Variants in ERBIN observed in about 807,000 individuals in gnomAD.
ERBIN encodes erbb2 interacting protein.
Under a neutral mutation model 158.4 loss-of-function variants are expected in ERBIN, and 60 were observed. The observed-to-expected ratio is 0.38, with a 90% CI of 0.31 to 0.47. ERBIN has a LOEUF of 0.47. Ranked by LOEUF, ERBIN falls within the 20% of genes least tolerant of loss-of-function variation. The probability of loss-of-function intolerance (pLI) is 0.99; values close to 1 mark genes in which losing one functional copy is unlikely to be tolerated. For synonymous variants in ERBIN, 594 were observed against 557.2 expected, an observed-to-expected ratio of 1.07 and a Z score of -0.93; for missense variants, 1,610 against 1,648.0, an observed-to-expected ratio of 0.98 and a Z score of 0.40.
At position 65,993,672 on chromosome 5, in the gene ERBIN, G is replaced by A. The variant is rs186038386; in HGVS notation, c.189+765G>A. Among the ~76,000 whole-genome samples the A allele has an allele frequency of 2.2e-3, 329 of 152,184 alleles. 2 individuals are homozygous for A. Among genetic ancestry groups the A allele is most frequent in the African/African-American group, 7.7e-3 (320 of 41,526 alleles). On this transcript the variant is annotated intron_variant, in intron 3 of 25. Transcript: ENST00000284037. ...CAGTGTTTTTGAAACCGTGCGTGGA[G>A]ACCCATTGGTAGCTCATAAAATCAA...
intron 23 of ERBIN, 158 bp from the exon 24 acceptor site, chr5:66,076,158 T>C: frequency 1.6e-6 from 1 of 606,334 alleles, no homozygotes; most frequent in South Asian, 2.1e-5. Flanking sequence ...CATAATATTC[T>C]ATGTTGTATT....
chr5:65,959,507 T>C (rs1484960968), intron 1 of ERBIN, among the ~76,000 whole-genome samples: 1 of 152,232 alleles, frequency 6.6e-6, no homozygotes, highest in East Asian at 1.9e-4. Flanking sequence ...ACTCATACAA[T>C]TTAATGTAAG....
intron 1 of ERBIN, among the ~76,000 whole-genome samples, chr5:65,966,395 G>A (rs1197541438): frequency 6.6e-6 from 1 of 151,974 alleles, no homozygotes; most frequent in African/African-American, 2.4e-5. Flanking sequence ...CATATAAAAA[G>A]GTAGGCCGGG....
intron 11 of ERBIN, 131 bp downstream of exon 11, chr5:66,025,683 A>G: frequency 1.1e-6 from 1 of 888,202 alleles, no homozygotes; most frequent in South Asian, 1.7e-5. Context: ...ATACAGGTTG[A>G]GTGTGTTTAT....
intron 3 of ERBIN, among the ~76,000 whole-genome samples, chr5:65,993,618 A>G (rs1448452487): frequency 6.6e-6 from 1 of 151,878 alleles, no homozygotes; most frequent in Admixed American, 6.6e-5. Flanking sequence ...TATATATTTA[A>G]TTGTTGGGAT....
intron 12 of ERBIN, among the ~76,000 whole-genome samples, 156 bp from the exon 13 acceptor site, chr5:66,026,142 GCTTT>G (rs1301434763): frequency 3.3e-5 from 5 of 151,636 alleles, no homozygotes; most frequent in South Asian, 2.1e-4. Context: ...GTTCTTAAAT[GCTTT>G]CTTATGTACA....
chr5:65,990,622 C>T (rs1382181420), intron 2 of ERBIN, among the ~76,000 whole-genome samples: 1 of 150,332 alleles, frequency 6.7e-6, no homozygotes, highest in African/African-American at 2.4e-5. Flanking sequence ...CGTGCCACTG[C>T]ACTCCAGCCT....
At chr5:66,024,820 G>T (rs946349420) in intron 10 of ERBIN, among the ~76,000 whole-genome samples, 1 of 152,062 alleles carries the variant, frequency 6.6e-6, no homozygotes, top group East Asian at 1.9e-4. Context: ...GATCATGAGA[G>T]ATCTATGATT....
chr5:65,937,134 T>C (rs1744187289), intron 1 of ERBIN, among the ~76,000 whole-genome samples: 1 of 152,234 alleles, frequency 6.6e-6, no homozygotes, highest in African/African-American at 2.4e-5. Context: ...TTTTGTGTTC[T>C]ACATGGTTTT....
chr5:65,998,759 T>C (rs1165435190), intron 4 of ERBIN, among the ~76,000 whole-genome samples: 1 of 151,920 alleles, frequency 6.6e-6, no homozygotes, highest in Non-Finnish European at 1.5e-5. Flanking sequence ...TAGCTGCACA[T>C]GGTGGCATGT....
At chr5:66,021,492 T>C in intron 8 of ERBIN, 107 bp downstream of exon 8, 1 of 835,220 alleles carries the variant, frequency 1.2e-6, no homozygotes, top group Non-Finnish European at 1.7e-6. Context: ...TTTACTTTTT[T>C]TTCTTAGTTA....
intron 4 of ERBIN, among the ~76,000 whole-genome samples, chr5:65,997,358 G>A (rs565497903): frequency 6.6e-6 from 1 of 152,240 alleles, no homozygotes; most frequent in African/African-American, 2.4e-5. Context: ...TCCATTGAGA[G>A]ATTTTTTTCC....
chr5:66,004,392 G>A (rs1476173395), intron 4 of ERBIN, among the ~76,000 whole-genome samples: 8 of 151,898 alleles, frequency 5.3e-5, no homozygotes, highest in Non-Finnish European at 1.0e-4. Context: ...GTGTGTGTGC[G>A]CGCGCGTGCG....
intron 21 of ERBIN, among the ~76,000 whole-genome samples, chr5:66,068,599 G>A (rs971654125): frequency 1.3e-5 from 2 of 152,136 alleles, no homozygotes; most frequent in African/African-American, 4.8e-5. Context: ...TGTGTTAGGA[G>A]TAAAGGAAAT....
intron 22 of ERBIN, 87 bp from the exon 23 acceptor site, chr5:66,074,932 CTAGTG>C: frequency 9.0e-7 from 1 of 1,112,586 alleles, no homozygotes; most frequent in Non-Finnish European, 1.3e-6. Context: ...TGTGAAAACT[CTAGTG>C]CTTTTGTAAT....
At chr5:65,933,645 C>T (rs1240451443) in intron 1 of ERBIN, among the ~76,000 whole-genome samples, 1 of 152,132 alleles carries the variant, frequency 6.6e-6, no homozygotes, top group Admixed American at 6.6e-5. Flanking sequence ...CCACTTTCTT[C>T]TTGTTTTGGG....
chr5:65,946,272 A>G (rs251318), intron 1 of ERBIN, among the ~76,000 whole-genome samples: 123,906 of 151,980 alleles, frequency 0.82, 51,004 homozygotes, highest in Non-Finnish European at 0.86. Flanking sequence ...GCTAAGATGG[A>G]GGTATTGCTT....
At position 66,048,791 on chromosome 5, in the gene ERBIN, TAAAGG is replaced by T; in HGVS notation, c.1903+15_1903+19del. ...AGTAATAACAAAAAAGGTTAGATGT[TAAAGG>T]AAAGTGCTAAGAATAGAAATTGCCT... On this transcript the variant is annotated intron_variant, in intron 19 of 25. Coordinates refer to ENST00000284037, the MANE Select transcript of ERBIN (RefSeq NM_001253697.2). The T allele has an allele frequency of 6.7e-7, 1 of 1,482,104 alleles. No individual in the cohort carries two copies. The highest frequency in any genetic ancestry group is 9.2e-7 in the Non-Finnish European group (1 of 1,085,632). 91.8% of individuals were successfully genotyped at this position (1,482,104 alleles called of 1,614,324 possible). A position where few individuals can be genotyped will look rare whatever the true frequency, so the allele number is the denominator to read the frequency against.
intron 9 of ERBIN, among the ~76,000 whole-genome samples, chr5:66,023,950 T>C (rs1755970016): frequency 6.6e-6 from 1 of 152,150 alleles, no homozygotes; most frequent in South Asian, 2.1e-4. Context: ...GTGCTGGGAT[T>C]ACAGGCGTGA....
Sources: allele counts gnomAD v4.1 joint callset (sites outside exome capture counted in the v4.1 genomes callset), GRCh38; gene constraint gnomAD v4.1.1; transcripts MANE v1.5; gene names NCBI Gene and HGNC (gene_info 2026-07-23, HGNC 2026-07-21).